JHY: variants seen among roughly 807,000 people sequenced by gnomAD.
JHY encodes the protein jhy protein homolog.
Under a neutral mutation model 78.0 loss-of-function variants are expected in JHY, and 69 were observed. The observed-to-expected ratio is 0.88, with a 90% CI of 0.73 to 1.08. JHY has a LOEUF of 1.08. Among genes scored for constraint, JHY ranks in the 50% least tolerant of loss-of-function variants. The probability of loss-of-function intolerance (pLI) is 0.00; values close to 1 mark genes in which losing one functional copy is unlikely to be tolerated. For synonymous variants in JHY, 368 were observed against 342.6 expected (o/e 1.07, Z -0.82); for missense variants, 944 against 927.8 (o/e 1.02, Z -0.23).
At chr11:122,912,447 GC>G (rs1863151564) in intron 3 of JHY, among the ~76,000 whole-genome samples, 1 of 152,156 alleles carries the variant, frequency 6.6e-6, no homozygotes, top group African/African-American at 2.4e-5. Flanking sequence ...CCTGGTAGCA[GC>G]ATTTTTGCTA....
chr11:122,890,223 C>A (rs1438646547), intron 2 of JHY, among the ~76,000 whole-genome samples: 1 of 152,098 alleles, frequency 6.6e-6, no homozygotes, highest in Non-Finnish European at 1.5e-5. Flanking sequence ...TTATCATGAG[C>A]CCATTTCTGT....
rs141871572 is a variant in JHY, at chr11:122,888,988, G to A, written c.344+2795G>A. ...TGCATGTCCTCGTGTGCCTCCTTGG[G>A]TATGCATGCAAGGCTTTCCTTAGGG... On this transcript the variant is annotated intron_variant, in intron 2 of 8. Coordinates refer to ENST00000227349, the MANE Select transcript of JHY (RefSeq NM_024806.4). 9.2e-3 allele frequency among the ~76,000 whole-genome samples: 1,397 copies of A among 152,178 alleles called. 12 individuals carry two copies. The highest frequency in any genetic ancestry group is 0.015 in the Non-Finnish European group (987 of 68,016).
chr11:122,922,836 A>AAAAAAAAC (rs1565322134), intron 3 of JHY, among the ~76,000 whole-genome samples: 5 of 148,938 alleles, frequency 3.4e-5, no homozygotes, highest in African/African-American at 1.3e-4. Context: ...AAAAAAAAAA[A>AAAAAAAAC]CCAGCAGAGG....
Position 122,885,918 on chromosome 11 carries a change from C to G in JHY, c.69C>G (p.Val23=), listed in dbSNP as rs1591364852. ...CTGTCCTTCATACCAACTTAAATGT[C>G]CAGTCCACACACCCACCTTTGAAGA... ...QSPVLHTNLN[V]QSTHPPLKKE... The change falls in exon 2 of 9, where the codon GTC becomes GTG. Residue 23 remains valine (V), a synonymous_variant. Transcript: ENST00000227349. 3 of 1,613,958 alleles carry G rather than the reference C, an allele frequency of 1.9e-6. No homozygotes were observed. Among genetic ancestry groups the G allele is most frequent in the Non-Finnish European group, 1.7e-6 (2 of 1,179,984 alleles).
Position 122,886,060 on chromosome 11 carries a change from C to A in JHY, c.211C>A (p.Pro71Thr). The A allele has an allele frequency of 6.2e-7, 1 of 1,614,112 alleles. No homozygotes were observed. Among genetic ancestry groups the A allele is most frequent in the Non-Finnish European group, 8.5e-7 (1 of 1,180,036 alleles). ...DDRIRGNGME[P>T]DSLDEEESPR... The stretch of plus-strand genomic sequence containing the variant: ...TCGAATCCGGGGCAACGGTATGGAG[C>A]CCGACAGCTTAGACGAGGAGGAAAG... Residue 71 changes from proline (P) to threonine (T), a missense_variant, in exon 2 of 9, where the codon CCC becomes ACC. By Grantham distance (38) the Pro-to-Thr change is conservative (BLOSUM62 -1). Coordinates refer to ENST00000227349, the MANE Select transcript of JHY (RefSeq NM_024806.4).
chr11:122,888,366 G>T (rs1318534353), intron 2 of JHY, among the ~76,000 whole-genome samples: 1 of 152,150 alleles, frequency 6.6e-6, no homozygotes, highest in Non-Finnish European at 1.5e-5. Flanking sequence ...CAGTAACAAT[G>T]ACATCACTTT....
At chr11:122,929,991 C>G (rs1158031185) in intron 4 of JHY, among the ~76,000 whole-genome samples, 1 of 152,138 alleles carries the variant, frequency 6.6e-6, no homozygotes, top group Admixed American at 6.6e-5. Flanking sequence ...TGGCAGGGGA[C>G]AGAGGTCAGC....
rs190962262 is a variant in JHY at position 122,906,139 on chromosome 11, G to T, written c.864+1695G>T. 3.9e-3 allele frequency among the ~76,000 whole-genome samples: 596 copies of T among 152,048 alleles called. 2 individuals are homozygous for T. The highest frequency in any genetic ancestry group is 6.8e-3 in the Non-Finnish European group (461 of 67,974). ...AAACTTACATGAAATTTTGAATTTTGCTTGATTGCTCATTTAAAAATGAAA... is the reference window on the plus strand; with the variant it reads ...AAACTTACATGAAATTTTGAATTTTTCTTGATTGCTCATTTAAAAATGAAA... On this transcript the variant is annotated intron_variant, in intron 3 of 8. Transcript: ENST00000227349.
chr11:122,953,943 T>C (rs1864143795), intron 6 of JHY, among the ~76,000 whole-genome samples: 1 of 152,252 alleles, frequency 6.6e-6, no homozygotes, highest in Admixed American at 6.5e-5. Flanking sequence ...TTTGAATCCT[T>C]GTAGTGTAGA....
intron 2 of JHY, among the ~76,000 whole-genome samples, chr11:122,888,769 A>G (rs931263412): frequency 2.0e-5 from 3 of 152,026 alleles, no homozygotes; most frequent in Non-Finnish European, 1.5e-5. Flanking sequence ...TCTTCCATTC[A>G]TTTATTTCAT....
chr11:122,927,951 G>T (rs886469172), intron 4 of JHY, among the ~76,000 whole-genome samples: 1 of 151,894 alleles, frequency 6.6e-6, no homozygotes, highest in African/African-American at 2.4e-5. Context: ...GGCTGGTCTC[G>T]AACTCCTGAC....
At chr11:122,929,237 T>TG (rs1164102656) in intron 4 of JHY, among the ~76,000 whole-genome samples, 1 of 136,602 alleles carries the variant, frequency 7.3e-6, no homozygotes, top group African/African-American at 2.6e-5. Context: ...AAGGTTGTTT[T>TG]TTGTTTTTTT....
At position 122,899,637 on chromosome 11, in the gene JHY, G is replaced by A. The variant is rs148262925; in HGVS notation, c.345-4288G>A. 9.3e-3 allele frequency among the ~76,000 whole-genome samples: 1,424 copies of A among 152,320 alleles called. 31 individuals are homozygous for A. The highest frequency in any genetic ancestry group is 0.033 in the African/African-American group (1,372 of 41,562). On this transcript the variant is annotated intron_variant, in intron 2 of 8. Coordinates refer to ENST00000227349, the MANE Select transcript of JHY (RefSeq NM_024806.4). Reference sequence around the variant, plus strand: ...CATACTAGGGCAGAAGTTAGGAAACGAAAGATCACTTGCAGTCCCCGCTGC... The same window carrying A: ...CATACTAGGGCAGAAGTTAGGAAACAAAAGATCACTTGCAGTCCCCGCTGC...
At chr11:122,937,236 T>C (rs1173240636) in intron 5 of JHY, among the ~76,000 whole-genome samples, 1 of 137,380 alleles carries the variant, frequency 7.3e-6, no homozygotes, top group Non-Finnish European at 1.5e-5. Flanking sequence ...GTCCCTCTTT[T>C]CATTTCTTTT....
At chr11:122,895,999 G>A (rs1382781816) in intron 2 of JHY, among the ~76,000 whole-genome samples, 2 of 152,064 alleles carry the variant, frequency 1.3e-5, no homozygotes, top group Non-Finnish European at 1.5e-5. Flanking sequence ...GAGAGAAAGG[G>A]GATGTTTAAG....
intron 6 of JHY, among the ~76,000 whole-genome samples, chr11:122,951,944 T>A (rs1341383608): frequency 6.6e-6 from 1 of 152,112 alleles, no homozygotes; most frequent in Non-Finnish European, 1.5e-5. Flanking sequence ...TTCCAATTTG[T>A]TCCCCTTGTG....
intron 2 of JHY, 149 bp from the exon 3 acceptor site, chr11:122,903,776 G>T (rs1189375074): frequency 1.8e-6 from 2 of 1,140,146 alleles, no homozygotes; most frequent in African/African-American, 1.5e-5. Flanking sequence ...GCCACTGCAC[G>T]CTGCTGGGAT....
chr11:122,924,106 G>A (rs1945003276), intron 3 of JHY, among the ~76,000 whole-genome samples: 1 of 152,078 alleles, frequency 6.6e-6, no homozygotes, highest in South Asian at 2.1e-4. Context: ...CACCCCCAGA[G>A]CTTATGATTT....
chr11:122,908,171 G>A (rs1001169713), intron 3 of JHY, among the ~76,000 whole-genome samples: 1 of 152,114 alleles, frequency 6.6e-6, no homozygotes, highest in South Asian at 2.1e-4. Context: ...GAGAATCACC[G>A]ATCTAGAGCA....
Sources: allele counts gnomAD v4.1 joint callset (sites outside exome capture counted in the v4.1 genomes callset), GRCh38; gene constraint gnomAD v4.1.1; transcripts MANE v1.5; gene names NCBI Gene and HGNC (gene_info 2026-07-23, HGNC 2026-07-21).